Variants in ECT2 observed in about 807,000 individuals in gnomAD.
ECT2 encodes the protein protein ECT2.
In ECT2, 61 loss-of-function variants were observed where a neutral mutation model predicts 116.9. The observed-to-expected ratio is 0.52, with a 90% CI of 0.42 to 0.65. ECT2 has a LOEUF of 0.65. ECT2 is among the 30% of genes least tolerant of loss of function. The probability of loss-of-function intolerance (pLI) is 0.00; values close to 1 mark genes in which losing one functional copy is unlikely to be tolerated. For synonymous variants in ECT2, 358 were observed against 346.4 expected (o/e 1.03, Z -0.37); for missense variants, 937 against 1,078.7 (o/e 0.87, Z 1.84).
intron 20 of ECT2, 57 bp downstream of exon 20, chr3:172,803,037 A>G: frequency 6.9e-7 from 1 of 1,453,438 alleles, no homozygotes; most frequent in Non-Finnish European, 9.2e-7. Flanking sequence ...AGTTCCCTGA[A>G]TATTTAAAAC....
chr3:172,772,300 C>T (rs1370934976), intron 13 of ECT2, among the ~76,000 whole-genome samples: 1 of 152,172 alleles, frequency 6.6e-6, no homozygotes, highest in Non-Finnish European at 1.5e-5. Context: ...TCACCCCATT[C>T]TCCCACCTCA....
intron 14 of ECT2, among the ~76,000 whole-genome samples, chr3:172,775,095 A>G (rs562051212): frequency 2.6e-5 from 4 of 152,326 alleles, no homozygotes; most frequent in Non-Finnish European, 4.4e-5. Context: ...CCAGGTGTCA[A>G]TCTCTTACAC....
chr3:172,824,505 A>T (rs1040345234), downstream of ECT2, among the ~76,000 whole-genome samples: 3 of 152,098 alleles, frequency 2.0e-5, no homozygotes, highest in Non-Finnish European at 4.4e-5. Context: ...CCATGATCCA[A>T]TTACCTCCCA....
At chr3:172,784,041 C>A in intron 16 of ECT2, 132 bp downstream of exon 16, 1 of 610,446 alleles carries the variant, frequency 1.6e-6, no homozygotes, top group Non-Finnish European at 2.8e-6. Context: ...TTTAGTTGTA[C>A]TTATGGGTGA....
Position 172,773,884 on chromosome 3 carries a change from A to G in ECT2, c.1429-19A>G. On this transcript the variant is annotated intron_variant, in intron 13 of 24. Transcript: ENST00000392692. ...CTTTTTCCCACAATCTACTTAAACT[A>G]GTCTTTTTTCTCATTTAGTTATTTC... is the stretch of plus-strand genomic sequence containing the variant. The G allele has an allele frequency of 6.2e-7, 1 of 1,609,834 alleles. No individual in the cohort carries two copies. Among genetic ancestry groups the G allele is most frequent in the Non-Finnish European group, 8.5e-7 (1 of 1,177,008 alleles).
intron 18 of ECT2, among the ~76,000 whole-genome samples, chr3:172,787,057 A>G (rs187125340): frequency 1.2e-4 from 19 of 152,280 alleles, no homozygotes; most frequent in African/African-American, 4.3e-4. Flanking sequence ...AATGAAATTG[A>G]TCTGGGGAGT....
At chr3:172,812,710 T>C (rs1205743741) in intron 22 of ECT2, among the ~76,000 whole-genome samples, 1 of 152,198 alleles carries the variant, frequency 6.6e-6, no homozygotes, top group Non-Finnish European at 1.5e-5. Context: ...ATCACTGTTT[T>C]CTTTAAGGAA....
chr3:172,773,637 ATGAT>A (rs1358831434), intron 13 of ECT2, among the ~76,000 whole-genome samples: 2 of 152,218 alleles, frequency 1.3e-5, no homozygotes, highest in Non-Finnish European at 2.9e-5. Context: ...AACAATTTTA[ATGAT>A]TGATTGCAGA....
At chr3:172,797,169 A>G (rs959587842) in intron 18 of ECT2, among the ~76,000 whole-genome samples, 5 of 151,018 alleles carry the variant, frequency 3.3e-5, no homozygotes, top group Non-Finnish European at 7.4e-5. Flanking sequence ...AGATGGGCCT[A>G]CAGGTGTGCA....
chr3:172,795,323 CAAAAAAAA>C (rs35674521), intron 18 of ECT2, among the ~76,000 whole-genome samples: 27 of 104,414 alleles, frequency 2.6e-4, no homozygotes, highest in African/African-American at 8.0e-4. Flanking sequence ...GAGACGCTAT[CAAAAAAAA>C]AAAAAAAAAA....
intron 7 of ECT2, among the ~76,000 whole-genome samples, chr3:172,760,737 T>C (rs1369599766): frequency 2.2e-5 from 3 of 138,602 alleles, no homozygotes; most frequent in Non-Finnish European, 4.5e-5. Context: ...TTTTTTTTTT[T>C]TGAGACTGAG....
At chr3:172,792,871 A>G (rs1724930144) in intron 18 of ECT2, among the ~76,000 whole-genome samples, 1 of 151,822 alleles carries the variant, frequency 6.6e-6, no homozygotes, top group African/African-American at 2.4e-5. Flanking sequence ...GTGCAGTCCT[A>G]CCATGCCTGG....
At chr3:172,760,681 G>C (rs926396485) in intron 7 of ECT2, among the ~76,000 whole-genome samples, 2 of 142,002 alleles carry the variant, frequency 1.4e-5, no homozygotes, top group Admixed American at 7.0e-5. Context: ...TAGGAATTGT[G>C]AAAGTAGGGA....
At position 172,790,578 on chromosome 3, in the gene ECT2, C is replaced by A. The variant is rs145468199; in HGVS notation, c.1907+4004C>A. ...TTTTGGACATCATCCAGTATGTTTT[C>A]AATTGACTTAGTGATTCTTGTGATT... On this transcript the variant is annotated intron_variant, in intron 18 of 24. Coordinates refer to ENST00000392692, the MANE Select transcript of ECT2 (RefSeq NM_001258315.2). Among the ~76,000 whole-genome samples the A allele has an allele frequency of 2.8e-4, 42 of 152,326 alleles. 1 individual carries two copies. In the East Asian group the frequency reaches 7.3e-3, roughly 27 times the overall value.
chr3:172,762,569 A>C, intron 9 of ECT2, 23 bp downstream of exon 9: 1 of 1,583,450 alleles, frequency 6.3e-7, no homozygotes, highest in Non-Finnish European at 8.5e-7. Flanking sequence ...ATAATGTAAA[A>C]GTTATATCTA....
rs1161595028 is a variant in ECT2 at position 172,764,457 on chromosome 3, C to G, written c.1248C>G (p.Leu416=). 2 of 1,614,000 alleles carry G rather than the reference C, an allele frequency of 1.2e-6. No individual in the cohort carries two copies. The highest frequency in any genetic ancestry group is 2.7e-5 in the African/African-American group (2 of 74,934). ...SAEHSLSIGS[L]LDISNTPESS... ...AGCATTCCCTTTCCATAGGGTCACT[C>G]CTAGATATCTCCAACACACCAGAGT... The change falls in exon 12 of 25, where the codon CTC becomes CTG. Residue 416 remains leucine (L), a synonymous_variant. Coordinates refer to ENST00000392692, the MANE Select transcript of ECT2 (RefSeq NM_001258315.2).
At chr3:172,810,506 T>C (rs1030576926) in intron 22 of ECT2, among the ~76,000 whole-genome samples, 33 of 152,194 alleles carry the variant, frequency 2.2e-4, no homozygotes, top group African/African-American at 7.7e-4. Context: ...ACTATAATTA[T>C]TCTTCCATTT....
At position 172,775,095 on chromosome 3, in the gene ECT2, A is replaced by C. The variant is rs562051212; in HGVS notation, c.1548+1073A>C. Among the ~76,000 whole-genome samples, 176 of 152,326 alleles carry C rather than the reference A, an allele frequency of 1.2e-3. 1 individual carries two copies. Among genetic ancestry groups the C allele is most frequent in the African/African-American group, 4.1e-3 (169 of 41,580 alleles). ...AAGGGCCTGTGAATTCCAGGTGTCA[A>C]TCTCTTACACTAAAATAATTCCTGA... On this transcript the variant is annotated intron_variant, in intron 14 of 24. Transcript: ENST00000392692.
At chr3:172,769,638 AATAG>A (rs1720241326) in intron 13 of ECT2, among the ~76,000 whole-genome samples, 1 of 152,152 alleles carries the variant, frequency 6.6e-6, no homozygotes, top group South Asian at 2.1e-4. Flanking sequence ...GTTAGTCATA[AATAG>A]ATGTTAACTC....
Sources: gnomAD v4.1 joint callset for allele counts (sites outside exome capture counted in the v4.1 genomes callset) on GRCh38, gnomAD v4.1.1 for gene constraint, MANE v1.5 for transcripts, NCBI Gene and HGNC (gene_info 2026-07-23, HGNC 2026-07-21) for gene names.